The following CLNK variants were observed in gnomAD, a reference collection of about 807,000 sequenced individuals.
CLNK encodes cytokine-dependent hematopoietic cell linker.
A neutral mutation model predicts 68.6 loss-of-function variants in CLNK; 74 were observed. The observed-to-expected ratio is 1.08, with a 90% CI of 0.89 to 1.31. CLNK has a LOEUF of 1.31. Ranked by LOEUF, CLNK falls within the 50% of genes most tolerant of loss-of-function variation. The pLI is 0.00. For missense variants in CLNK, 553 were observed against 515.3 expected, an observed-to-expected ratio of 1.07 and a Z score of -0.71; for synonymous variants, 198 against 172.2, an observed-to-expected ratio of 1.15 and a Z score of -1.17.
chr4:10,550,866 C>T (rs1008522017), intron 8 of CLNK, among the ~76,000 whole-genome samples: 1 of 152,212 alleles, frequency 6.6e-6, no homozygotes, highest in Non-Finnish European at 1.5e-5. Context: ...GTCAGCATCA[C>T]TGCTCTTGCG....
chr4:10,691,826 C>T, the CLNK span, among the ~76,000 whole-genome samples: 1 of 152,130 alleles, frequency 6.6e-6, no homozygotes. Flanking sequence ...AAGAAAAAAA[C>T]AGCATGAAAC....
At chr4:10,607,337 A>G (rs1381382218) in intron 2 of CLNK, among the ~76,000 whole-genome samples, 2 of 152,180 alleles carry the variant, frequency 1.3e-5, no homozygotes, top group Non-Finnish European at 2.9e-5. Flanking sequence ...TTGAGCTGCC[A>G]GTGAAGACAC....
intron 16 of CLNK, among the ~76,000 whole-genome samples, chr4:10,509,071 C>T (rs570082180): frequency 1.4e-5 from 2 of 142,838 alleles, no homozygotes; most frequent in South Asian, 2.2e-4. Context: ...CGTGCCACTG[C>T]ACTCCAGCCT....
intron 2 of CLNK, among the ~76,000 whole-genome samples, chr4:10,610,960 G>A (rs999513488): frequency 2.0e-5 from 3 of 152,154 alleles, no homozygotes; most frequent in African/African-American, 7.2e-5. Context: ...GAGGCAGGCG[G>A]ATCACTTGAG....
At chr4:10,604,822 T>C (rs1406986841) in intron 2 of CLNK, among the ~76,000 whole-genome samples, 1 of 152,236 alleles carries the variant, frequency 6.6e-6, no homozygotes, top group East Asian at 1.9e-4. Flanking sequence ...TTTCATGGTG[T>C]GATGGTTAAT....
intron 8 of CLNK, among the ~76,000 whole-genome samples, chr4:10,548,530 T>C (rs1172199393): frequency 1.3e-5 from 2 of 152,250 alleles, no homozygotes; most frequent in Admixed American, 1.3e-4. Context: ...TGTTTATTTG[T>C]GCTTTTGCTG....
At chr4:10,532,342 A>G in intron 11 of CLNK, 59 bp from the exon 12 acceptor site, 1 of 1,391,250 alleles carries the variant, frequency 7.2e-7, no homozygotes, top group Non-Finnish European at 1.0e-6. Context: ...CCAAGATAAA[A>G]TCATTCTGAG....
intron 2 of CLNK, among the ~76,000 whole-genome samples, chr4:10,658,106 C>T (rs946750577): frequency 1.3e-5 from 2 of 152,198 alleles, no homozygotes; most frequent in African/African-American, 4.8e-5. Flanking sequence ...AATGCCACCA[C>T]ACCCCTTCCC....
chr4:10,492,350 G>A (rs1340483558), intron 18 of CLNK, among the ~76,000 whole-genome samples: 1 of 152,166 alleles, frequency 6.6e-6, no homozygotes, highest in Non-Finnish European at 1.5e-5. Context: ...CTCTGCCTCT[G>A]ATTTGGTTTT....
At chr4:10,540,664 C>A (rs1045244754) in intron 10 of CLNK, 60 bp from the exon 11 acceptor site, 1 of 1,172,026 alleles carries the variant, frequency 8.5e-7, no homozygotes, top group Non-Finnish European at 1.3e-6. Flanking sequence ...ATGCCTCAGG[C>A]CCTGAATCCA....
At chr4:10,531,738 G>A (rs986794090) in intron 12 of CLNK, 5 of 456,636 alleles carry the variant, frequency 1.1e-5, no homozygotes, top group African/African-American at 2.0e-5. Flanking sequence ...ACTGCACCTG[G>A]CCCCCATCCC....
chr4:10,576,515 G>A (rs1358052115), intron 4 of CLNK, among the ~76,000 whole-genome samples: 1 of 152,136 alleles, frequency 6.6e-6, no homozygotes, highest in African/African-American at 2.4e-5. Flanking sequence ...ATGGATATAC[G>A]CAGTGTAAAG....
the CLNK span, among the ~76,000 whole-genome samples, chr4:10,718,790 C>T: frequency 6.6e-6 from 1 of 151,778 alleles, no homozygotes; most frequent in Admixed American, 6.6e-5. Flanking sequence ...CTTGAGTCTT[C>T]AAAATTATGT....
intron 2 of CLNK, among the ~76,000 whole-genome samples, chr4:10,630,865 T>C (rs1322243812): frequency 6.6e-6 from 1 of 152,146 alleles, no homozygotes; most frequent in Non-Finnish European, 1.5e-5. Context: ...GTAAGCAGGA[T>C]TGAGGGCGTT....
chr4:10,581,543 T>C (rs920738515), intron 4 of CLNK, among the ~76,000 whole-genome samples: 1 of 152,176 alleles, frequency 6.6e-6, no homozygotes, highest in African/African-American at 2.4e-5. Context: ...ACAGGCATAA[T>C]GTTCTAAGTA....
chr4:10,520,847 T>G lies in CLNK; in HGVS notation c.732-16A>C. The G allele has an allele frequency of 6.3e-7, 1 of 1,585,980 alleles. No homozygotes were observed. The highest frequency in any genetic ancestry group is 8.6e-7 in the Non-Finnish European group (1 of 1,161,478). On this transcript the variant is annotated splice_polypyrimidine_tract_variant and intron_variant, in intron 14 of 18. Transcript: ENST00000226951. The stretch of plus-strand genomic sequence containing the variant: ...GAATGAAGAACTATAAGAAAATATG[T>G]TAAAATTCAAAGAATGTTAGTATTT...
chr4:10,593,024 G>A (rs896467281), intron 3 of CLNK, among the ~76,000 whole-genome samples: 1 of 152,168 alleles, frequency 6.6e-6, no homozygotes, highest in South Asian at 2.1e-4. Flanking sequence ...GCAGTGCCCA[G>A]CCTGAGCATC....
At chr4:10,529,935 A>T (rs918729839) in intron 12 of CLNK, among the ~76,000 whole-genome samples, 10 of 152,218 alleles carry the variant, frequency 6.6e-5, no homozygotes, top group African/African-American at 2.2e-4. Flanking sequence ...AAATAAACAT[A>T]GTCAAGTTAA....
At chr4:10,692,412 G>T in the CLNK span, among the ~76,000 whole-genome samples, 2 of 152,140 alleles carry the variant, frequency 1.3e-5, no homozygotes, top group Non-Finnish European at 2.9e-5. Flanking sequence ...GTGATCCCGT[G>T]ACTCAGGTTC....
Sources: allele counts gnomAD v4.1 joint callset (sites outside exome capture counted in the v4.1 genomes callset), GRCh38; gene constraint gnomAD v4.1.1; transcripts MANE v1.5; gene names NCBI Gene and HGNC (gene_info 2026-07-23, HGNC 2026-07-21).